The following JPT1 variants were observed in gnomAD, a reference collection of about 807,000 sequenced individuals.
JPT1 encodes Jupiter microtubule associated homolog 1.
In JPT1, 5 loss-of-function variants were observed where a neutral mutation model predicts 17.0. The ratio of observed to expected loss-of-function variants is 0.29; its 90% CI spans 0.15 to 0.62. The LOEUF is 0.62. JPT1 is among the 20% of genes least tolerant of loss of function. JPT1 has a pLI of 0.85. For missense variants in JPT1, 158 were observed against 188.1 expected (o/e 0.84, Z 0.94); for synonymous variants, 71 against 73.6 (o/e 0.96, Z 0.18).
intron 4 of JPT1, chr17:75,145,163 C>CAAAAA (rs35376706): frequency 1.1e-4 from 9 of 85,054 alleles, no homozygotes; most frequent in East Asian, 3.6e-4. Flanking sequence ...GACTCCATCT[C>CAAAAA]AAAAAAAAAA....
chr17:75,137,542 T>TTA (rs1568027528), intron 4 of JPT1, among the ~76,000 whole-genome samples: 1 of 151,598 alleles, frequency 6.6e-6, no homozygotes, highest in African/African-American at 2.4e-5. Flanking sequence ...TTTTTTTTTT[T>TTA]TTATTTTTAA....
intron 1 of JPT1, among the ~76,000 whole-genome samples, chr17:75,149,883 ACTT>A (rs2074513802): frequency 6.7e-6 from 1 of 149,602 alleles, no homozygotes; most frequent in African/African-American, 2.4e-5. Context: ...ACACACACAC[ACTT>A]AAGTCAGCTT....
chr17:75,151,331 G>A (rs943252730), intron 1 of JPT1, among the ~76,000 whole-genome samples: 1 of 151,054 alleles, frequency 6.6e-6, no homozygotes, highest in East Asian at 2.0e-4. Flanking sequence ...GTGAGACTCC[G>A]TCTCAAAATA....
chr17:75,139,325 T>C (rs1007294946), intron 4 of JPT1, among the ~76,000 whole-genome samples: 1 of 152,172 alleles, frequency 6.6e-6, no homozygotes, highest in East Asian at 1.9e-4. Flanking sequence ...CAAAAAATTA[T>C]CTTGCAGTCC....
Position 75,136,260 on chromosome 17 carries a change from CAG to C in JPT1, c.317-12_317-11del, listed in dbSNP as rs892728390. ...TCTGTGTCCACATTTTCTATGAAAA[CAG>C]GGAATAGAAATAATACTCATAATGA... On this transcript the variant is annotated splice_polypyrimidine_tract_variant and intron_variant, in intron 4 of 4. Coordinates refer to ENST00000409753, the MANE Select transcript of JPT1 (RefSeq NM_016185.4). 15 of 1,568,244 alleles carry C rather than the reference CAG, an allele frequency of 9.6e-6. No individual in the cohort carries two copies. In the African/African-American group the frequency reaches 1.2e-4, roughly 13 times the overall value.
Position 75,146,703 on chromosome 17 carries a change from C to A in JPT1, c.298-19G>T. On this transcript the variant is annotated intron_variant, in intron 3 of 4. Coordinates refer to ENST00000409753, the MANE Select transcript of JPT1 (RefSeq NM_016185.4). ...CTTCTCCCTAGAAAAGAAAAAAATT[C>A]AAAAATTTACTTCCTATTTTAATTT... 1 of 1,467,022 alleles carries A rather than the reference C, an allele frequency of 6.8e-7. No homozygotes were observed. The highest frequency in any genetic ancestry group is 9.3e-7 in the Non-Finnish European group (1 of 1,070,976). The allele number at this position is 1,467,022 out of a possible 1,614,324, so 90.9% of individuals were successfully genotyped here.
At chr17:75,154,200 A>G in intron 1 of JPT1, 142 bp downstream of exon 1, 1 of 482,914 alleles carries the variant, frequency 2.1e-6, no homozygotes, top group Non-Finnish European at 3.1e-6. Context: ...GGCGGCGCCG[A>G]CGGCAGAACC....
intron 3 of JPT1, among the ~76,000 whole-genome samples, chr17:75,147,101 G>A (rs908140815): frequency 2.0e-5 from 3 of 152,232 alleles, no homozygotes; most frequent in African/African-American, 7.2e-5. Flanking sequence ...TCAGACAGGT[G>A]ATGCCTCACT....
intron 1 of JPT1, among the ~76,000 whole-genome samples, chr17:75,150,215 C>G (rs2074520898): frequency 6.6e-6 from 1 of 152,074 alleles, no homozygotes; most frequent in Non-Finnish European, 1.5e-5. Flanking sequence ...CCTCTCAAAA[C>G]AGAAAATGCA....
chr17:75,142,453 G>A (rs2074332469), intron 4 of JPT1, among the ~76,000 whole-genome samples: 1 of 150,904 alleles, frequency 6.6e-6, no homozygotes, highest in Non-Finnish European at 1.5e-5. Flanking sequence ...CAGCTACGCA[G>A]GGAGGCTGAG....
chr17:75,150,072 G>T (rs1001340630), intron 1 of JPT1, among the ~76,000 whole-genome samples: 1 of 152,082 alleles, frequency 6.6e-6, no homozygotes, highest in Non-Finnish European at 1.5e-5. Flanking sequence ...GTCTATATCA[G>T]TGTTCCTTTG....
intron 1 of JPT1, chr17:75,149,266 G>A (rs575163419): frequency 3.0e-6 from 1 of 332,342 alleles, no homozygotes; most frequent in Admixed American, 4.0e-5. Flanking sequence ...TGAGACAGAA[G>A]GATCGTTTCG....
chr17:75,149,886 T>TACACAC (rs1568036664), intron 1 of JPT1, among the ~76,000 whole-genome samples: 1 of 128,748 alleles, frequency 7.8e-6, no homozygotes, highest in African/African-American at 2.9e-5. Context: ...CACACACACT[T>TACACAC]AAGTCAGCTT....
At chr17:75,143,744 G>A (rs1260074966) in intron 4 of JPT1, among the ~76,000 whole-genome samples, 1 of 152,078 alleles carries the variant, frequency 6.6e-6, no homozygotes, top group African/African-American at 2.4e-5. Context: ...GCTGAGGAAG[G>A]AGAATCGCTT....
chr17:75,136,576 C>A (rs1012115964), intron 4 of JPT1, among the ~76,000 whole-genome samples: 2 of 152,168 alleles, frequency 1.3e-5, no homozygotes, highest in Non-Finnish European at 2.9e-5. Context: ...ACTGCAACCT[C>A]CACTTCCCAG....
intron 1 of JPT1, chr17:75,153,711 G>C (rs955115128): frequency 5.2e-5 from 8 of 152,390 alleles, no homozygotes; most frequent in African/African-American, 1.9e-4. Flanking sequence ...AAGAACGATT[G>C]GGTCCTCAAT....
chr17:75,151,009 ACGC>A (rs1488212983), intron 1 of JPT1, among the ~76,000 whole-genome samples: 1 of 151,706 alleles, frequency 6.6e-6, no homozygotes, highest in East Asian at 2.0e-4. Context: ...GCCCGCCGGA[ACGC>A]CCGGCTAACT....
intron 2 of JPT1, 123 bp from the exon 3 acceptor site, chr17:75,147,776 A>G: frequency 1.4e-6 from 1 of 697,440 alleles, no homozygotes; most frequent in Admixed American, 2.2e-5. Context: ...AGGCGGGCAG[A>G]TCACCTGAGG....
intron 1 of JPT1, among the ~76,000 whole-genome samples, chr17:75,150,558 T>C (rs1206986841): frequency 6.6e-6 from 1 of 152,110 alleles, no homozygotes; most frequent in Non-Finnish European, 1.5e-5. Context: ...GGCCTAATTG[T>C]TGTATTTTTA....
Sources: gnomAD v4.1 joint callset for allele counts (sites outside exome capture counted in the v4.1 genomes callset) on GRCh38, gnomAD v4.1.1 for gene constraint, MANE v1.5 for transcripts, NCBI Gene and HGNC (gene_info 2026-07-23, HGNC 2026-07-21) for gene names.